KCNAB2: variants seen among roughly 807,000 people sequenced by gnomAD.
KCNAB2 encodes potassium voltage-gated channel subfamily A regulatory beta subunit 2, also known as voltage-gated potassium channel subunit beta-2.
In KCNAB2, 29 loss-of-function variants were observed where a neutral mutation model predicts 63.6. The observed-to-expected ratio is 0.46, with a 90% CI of 0.34 to 0.62. The LOEUF (loss-of-function observed/expected upper bound fraction) is 0.62. Ranked by LOEUF, KCNAB2 falls within the 20% of genes least tolerant of loss-of-function variation. The pLI is 0.01. For missense variants in KCNAB2, 359 were observed against 563.9 expected, an observed-to-expected ratio of 0.64 and a Z score of 3.68; for synonymous variants, 222 against 224.2, an observed-to-expected ratio of 0.99 and a Z score of 0.09.
chr1:6,054,042 TA>T (rs566086045), intron 2 of KCNAB2, among the ~76,000 whole-genome samples: 1,839 of 137,396 alleles, frequency 0.013, 9 homozygotes, highest in African/African-American at 0.016. Context: ...GACCCTGTCT[TA>T]AAAAAAAAAA....
At position 6,086,501 on chromosome 1, in the gene KCNAB2, C is replaced by A; in HGVS notation, c.426-966C>A. 7.3e-6 allele frequency: 4 copies of A among 547,960 alleles called. No homozygotes were observed. Among genetic ancestry groups the A allele is most frequent in the Non-Finnish European group, 7.0e-6 (3 of 430,206 alleles). 33.9% of individuals were successfully genotyped at this position (547,960 alleles called of 1,614,324 possible). A position where few individuals can be genotyped will look rare whatever the true frequency, so the allele number is the denominator to read the frequency against. Reference sequence around the variant, plus strand: ...GGGCAGAGGAGGCCTCCTACTCCAGCCTCGTGAGCTGCTTCCCTGAGCAGC... The same window carrying A: ...GGGCAGAGGAGGCCTCCTACTCCAGACTCGTGAGCTGCTTCCCTGAGCAGC... On this transcript the variant is annotated intron_variant, in intron 6 of 15. Transcript: ENST00000378083. This position sits in a 1 kb window ranked among gnomAD's most constrained non-coding sequence, Gnocchi z 4.2.
At chr1:6,092,953 G>A (rs1665310634) in intron 10 of KCNAB2, among the ~76,000 whole-genome samples, 1 of 152,226 alleles carries the variant, frequency 6.6e-6, no homozygotes, top group Non-Finnish European at 1.5e-5. Flanking sequence ...CTCAGCTCTA[G>A]CCTTTAGGAG....
chr1:6,033,184 T>TGTGTGTGTGCATGTGC (rs564772171), upstream of KCNAB2, among the ~76,000 whole-genome samples: 89 of 152,054 alleles, frequency 5.9e-4, 2 homozygotes, highest in South Asian at 0.015. Flanking sequence ...CAGAGAAAAG[T>TGTGTGTGTGCATGTGC]GTGTGTGTGC....
chr1:6,064,334 T>C (rs1354021203), intron 2 of KCNAB2, among the ~76,000 whole-genome samples: 1 of 152,224 alleles, frequency 6.6e-6, no homozygotes, highest in African/African-American at 2.4e-5. Flanking sequence ...GTGAGCGCCA[T>C]GAGAGCAGGT....
intron 1 of KCNAB2, among the ~76,000 whole-genome samples, chr1:6,046,559 G>A (rs574361071): frequency 1.3e-5 from 2 of 152,344 alleles, no homozygotes; most frequent in South Asian, 2.1e-4. Flanking sequence ...TGCCCAGAGC[G>A]CTGTCAGGGA....
chr1:6,057,201 C>T (rs764322925), intron 2 of KCNAB2, among the ~76,000 whole-genome samples: 1 of 151,592 alleles, frequency 6.6e-6, no homozygotes, highest in Non-Finnish European at 1.5e-5. Context: ...CCTCTGCGGT[C>T]CTTGGGCACT....
At chr1:6,089,476 C>T (rs548626352) in intron 8 of KCNAB2, among the ~76,000 whole-genome samples, 1 of 152,268 alleles carries the variant, frequency 6.6e-6, no homozygotes, top group Non-Finnish European at 1.5e-5. Flanking sequence ...CGGAGCAAGG[C>T]ACCGGGGTGT....
Position 6,071,775 on chromosome 1 carries a change from G to A in KCNAB2, c.219-980G>A, listed in dbSNP as rs1329463957. Among the ~76,000 whole-genome samples, 1 of 151,008 alleles carries A rather than the reference G, an allele frequency of 6.6e-6. No homozygotes were observed. The highest frequency in any genetic ancestry group is 1.5e-5 in the Non-Finnish European group (1 of 67,618). ...CTGCCGCGTGGGCTCCTCCTGCCGC[G>A]TGGGCTCCTCCTGCCACATAGGGCA... is the stretch of plus-strand genomic sequence containing the variant. On this transcript the variant is annotated intron_variant, in intron 2 of 15. Coordinates refer to ENST00000378083, the MANE Select transcript of KCNAB2 (RefSeq NM_001199862.2). This position sits in a 1 kb window ranked among gnomAD's most constrained non-coding sequence, Gnocchi z 8.5.
At chr1:6,023,761 C>G (rs1452081484) in intron 1 of KCNAB2, among the ~76,000 whole-genome samples, 1 of 151,934 alleles carries the variant, frequency 6.6e-6, no homozygotes, top group Non-Finnish European at 1.5e-5. Context: ...GTTGATAGTG[C>G]CTTCTATTTT....
chr1:6,013,059 G>A (rs181009130), intron 1 of KCNAB2, among the ~76,000 whole-genome samples: 4 of 152,196 alleles, frequency 2.6e-5, no homozygotes, highest in Admixed American at 2.6e-4. Context: ...ACCTCCCATC[G>A]CTCCACTTCC....
intron 11 of KCNAB2, among the ~76,000 whole-genome samples, chr1:6,094,950 G>T (rs1361783742): frequency 1.3e-5 from 2 of 152,238 alleles, no homozygotes; most frequent in Non-Finnish European, 2.9e-5. Context: ...ATCCTCACCG[G>T]TGCCTTTACC....
intron 1 of KCNAB2, among the ~76,000 whole-genome samples, chr1:6,011,375 G>A (rs894863289): frequency 1.0e-4 from 15 of 147,212 alleles, no homozygotes; most frequent in Non-Finnish European, 2.2e-4. Context: ...TGCGGGAGGC[G>A]AGGCAGGCAG....
chr1:6,097,184 T>C (rs1665714062), intron 14 of KCNAB2, 85 bp from the exon 15 acceptor site: 2 of 1,415,638 alleles, frequency 1.4e-6, no homozygotes, highest in East Asian at 2.5e-5. Flanking sequence ...ATGCTGGGTC[T>C]CTCGGCCCAG....
intron 1 of KCNAB2, among the ~76,000 whole-genome samples, chr1:6,004,385 G>A (rs1043000673): frequency 2.0e-5 from 3 of 152,074 alleles, no homozygotes; most frequent in African/African-American, 7.2e-5. Flanking sequence ...TTAAGCCTAG[G>A]GGGTGCATTT....
At chr1:6,060,280 G>A (rs927990341) in intron 2 of KCNAB2, among the ~76,000 whole-genome samples, 1 of 152,222 alleles carries the variant, frequency 6.6e-6, no homozygotes, top group African/African-American at 2.4e-5. Context: ...CCTTGAACAC[G>A]GGTGGCTCAG....
At chr1:6,048,955 C>G (rs1180276497) in intron 1 of KCNAB2, among the ~76,000 whole-genome samples, 4 of 152,244 alleles carry the variant, frequency 2.6e-5, no homozygotes, top group Non-Finnish European at 5.9e-5. Context: ...GCCTCTCTGC[C>G]CTCCAGAGCG....
At chr1:6,043,930 C>T (rs984082567), upstream of KCNAB2, among the ~76,000 whole-genome samples, 2 of 152,208 alleles carry the variant, frequency 1.3e-5, no homozygotes, top group African/African-American at 2.4e-5. Context: ...TCTAAGCTGG[C>T]TTGGCTGGGT....
chr1:6,065,344 G>A (rs984603032), intron 2 of KCNAB2, among the ~76,000 whole-genome samples: 1 of 152,234 alleles, frequency 6.6e-6, no homozygotes, highest in East Asian at 1.9e-4. Context: ...GGCGGCTTGT[G>A]CATCCTGCTT....
intron 10 of KCNAB2, among the ~76,000 whole-genome samples, chr1:6,093,843 T>C (rs1291977014): frequency 6.6e-6 from 1 of 152,186 alleles, no homozygotes; most frequent in East Asian, 1.9e-4. Flanking sequence ...GAAGCCCTAT[T>C]CTCCGGGACC....
Sources: allele counts gnomAD v4.1 joint callset (sites outside exome capture counted in the v4.1 genomes callset), GRCh38; gene constraint gnomAD v4.1.1; non-coding constraint Gnocchi (gnomAD v3.1); transcripts MANE v1.5; gene names NCBI Gene and HGNC (gene_info 2026-07-23, HGNC 2026-07-21).